ADRA1A: variants seen among roughly 807,000 people sequenced by gnomAD.
The protein encoded by ADRA1A is alpha-1A adrenergic receptor.
ADRA1A carries 31 observed loss-of-function variants against 29.6 expected under a neutral mutation model. The observed-to-expected ratio is 1.05, with a 90% CI of 0.79 to 1.41. The LOEUF is 1.41. Ranked by LOEUF, ADRA1A falls within the 40% of genes most tolerant of loss-of-function variation. ADRA1A has a pLI of 0.00. For synonymous variants in ADRA1A, 311 were observed against 254.3 expected (o/e 1.22, Z -2.12); for missense variants, 619 against 601.1 (o/e 1.03, Z -0.31).
At position 26,821,509 on chromosome 8, in the gene ADRA1A, C is replaced by A. The variant is rs908367675; in HGVS notation, c.883+42578G>T. ...AAGCCATTCATGAGGAAGCCAACTC[C>A]CTGATCCAATCACCTCCCACCAGGC... On this transcript the variant is annotated intron_variant, in intron 2 of 2. Coordinates refer to ENST00000380573, the MANE Select transcript of ADRA1A (RefSeq NM_000680.4). This position sits in a 1 kb window ranked among gnomAD's most constrained non-coding sequence, Gnocchi z 5.6. 6.6e-6 allele frequency among the ~76,000 whole-genome samples: 1 copy of A among 152,132 alleles called. No homozygotes were observed. Among genetic ancestry groups the A allele is most frequent in the African/African-American group, 2.4e-5 (1 of 41,438 alleles).
Position 26,864,613 on chromosome 8 carries a change from G to T in ADRA1A, c.357C>A (p.Ile119=), listed in dbSNP as rs760168597. The change falls in exon 2 of 3, where the codon ATC becomes ATA. Residue 119 remains isoleucine (I), a synonymous_variant. Coordinates refer to ENST00000380573, the MANE Select transcript of ADRA1A (RefSeq NM_000680.4). This position sits in a 1 kb window ranked among gnomAD's most constrained non-coding sequence, Gnocchi z 8.1. ...CGCCGATGTAGCGGTCGATGGAGAT[G>T]ATGCAGAGGCCCATGATGGACGCGG... ...CCTASIMGLC[I]ISIDRYIGVS... is the part of the protein sequence containing the mutation. 2.2e-5 allele frequency: 35 copies of T among 1,614,178 alleles called. No individual in the cohort carries two copies. The highest frequency in any genetic ancestry group is 2.9e-5 in the Non-Finnish European group (34 of 1,180,042).
At chr8:26,779,248 C>A in intron 2 of ADRA1A, 1 of 699,718 alleles carries the variant, frequency 1.4e-6, no homozygotes. Context: ...GTATCTAGTT[C>A]CTTCTCCCTT....
chr8:26,766,191 G>A (rs780955012), downstream of ADRA1A: 2 of 1,251,282 alleles, frequency 1.6e-6, no homozygotes, highest in East Asian at 2.3e-5. Flanking sequence ...GTGAGTGAGA[G>A]TGAGTTATGT....
chr8:26,799,901 C>T (rs1808445132), intron 2 of ADRA1A, among the ~76,000 whole-genome samples: 1 of 152,068 alleles, frequency 6.6e-6, no homozygotes, highest in Admixed American at 6.6e-5. Context: ...TCTAGAATTG[C>T]CAATTCAATG....
chr8:26,757,152 A>G, intron 2 of ADRA1A: 1 of 702,038 alleles, frequency 1.4e-6, no homozygotes. Flanking sequence ...GTTTATATAA[A>G]GCAGAGTTGG....
chr8:26,839,325 A>AT (rs1279632342), intron 2 of ADRA1A, among the ~76,000 whole-genome samples: 1 of 152,000 alleles, frequency 6.6e-6, no homozygotes, highest in Non-Finnish European at 1.5e-5. Context: ...CGCCCAGCTC[A>AT]TTTTTTGTGT....
intron 2 of ADRA1A, among the ~76,000 whole-genome samples, chr8:26,840,061 T>C (rs61761852): frequency 0.19 from 28,823 of 152,250 alleles, 2,892 homozygotes; most frequent in East Asian, 0.35. Flanking sequence ...AAGTTTGCAC[T>C]TGGCTGGGGT....
At position 26,855,217 on chromosome 8, in the gene ADRA1A, A is replaced by ATGCATGTG. The variant is rs1554513293; in HGVS notation, c.883+8869_883+8870insCACATGCA. 4.7e-3 allele frequency among the ~76,000 whole-genome samples: 621 copies of ATGCATGTG among 133,332 alleles called. 4 individuals carry two copies. The highest frequency in any genetic ancestry group is 0.021 in the African/African-American group (592 of 28,718). The allele number at this position is 133,332 out of a possible 152,430, so 87.5% of individuals were successfully genotyped here. A position where few individuals can be genotyped will look rare whatever the true frequency, so the allele number is the denominator to read the frequency against. On this transcript the variant is annotated intron_variant, in intron 2 of 2. Coordinates refer to ENST00000380573, the MANE Select transcript of ADRA1A (RefSeq NM_000680.4). Reference sequence around the variant, plus strand: ...TTTAACTAAAAGTGTGTGTGCATGCATGTGTGTGTGTGTGTGCATGTGAGT... The same window carrying ATGCATGTG: ...TTTAACTAAAAGTGTGTGTGCATGCATGCATGTGTGTGTGTGTGTGTGTGCATGTGAGT...
intron 2 of ADRA1A, among the ~76,000 whole-genome samples, chr8:26,820,283 AAT>A (rs1398863887): frequency 6.6e-6 from 1 of 152,208 alleles, no homozygotes; most frequent in Non-Finnish European, 1.5e-5. Flanking sequence ...ACAGCAGCAT[AAT>A]ATATGTTTTT....
intron 2 of ADRA1A, among the ~76,000 whole-genome samples, chr8:26,836,864 T>C (rs888937181): frequency 6.6e-6 from 1 of 152,170 alleles, no homozygotes; most frequent in Non-Finnish European, 1.5e-5. Flanking sequence ...GAGTGGCAAG[T>C]GAAGGGGAGT....
At chr8:26,781,663 T>C (rs1030440455) in intron 2 of ADRA1A, among the ~76,000 whole-genome samples, 5 of 152,220 alleles carry the variant, frequency 3.3e-5, no homozygotes, top group African/African-American at 1.2e-4. Context: ...CCAGTACTTA[T>C]AAAAACATTT....
In ADRA1A at chr8:26,857,967, C is replaced by T. The variant is rs568371417; in HGVS notation, c.883+6120G>A. Among the ~76,000 whole-genome samples the T allele has an allele frequency of 6.6e-5, 10 of 152,330 alleles. 1 individual carries two copies. The South Asian group carries it at 2.1e-3, about 32-fold the overall frequency. ...GTCTTTATCTCCAGTGATTCTATAG[C>T]TTCCTGGCAAACAGTATATGTTCAA... On this transcript the variant is annotated intron_variant, in intron 2 of 2. Coordinates refer to ENST00000380573, the MANE Select transcript of ADRA1A (RefSeq NM_000680.4).
chr8:26,812,790 G>C (rs1465249404), intron 2 of ADRA1A, among the ~76,000 whole-genome samples: 1 of 151,510 alleles, frequency 6.6e-6, no homozygotes, highest in Non-Finnish European at 1.5e-5. Context: ...TCAGCCTCCC[G>C]AGTAGCTGGG....
At chr8:26,827,791 T>C (rs931153048) in intron 2 of ADRA1A, among the ~76,000 whole-genome samples, 4 of 152,188 alleles carry the variant, frequency 2.6e-5, no homozygotes, top group African/African-American at 7.2e-5. Flanking sequence ...TACTATTACA[T>C]TGGTGATTAG....
intron 2 of ADRA1A, among the ~76,000 whole-genome samples, chr8:26,827,730 C>T (rs1219984002): frequency 1.3e-5 from 2 of 152,076 alleles, no homozygotes; most frequent in African/African-American, 4.8e-5. Context: ...TCCCAAACAT[C>T]AGCGCTCTGC....
Position 26,824,459 on chromosome 8 carries a change from G to A in ADRA1A, c.883+39628C>T, listed in dbSNP as rs115575863. On this transcript the variant is annotated intron_variant, in intron 2 of 2. Coordinates refer to ENST00000380573, the MANE Select transcript of ADRA1A (RefSeq NM_000680.4). ...GAGGCCATGATACCAACATTGTAAGGTTATTGTGAGGATCGAACAAGGTAA... is the reference window on the plus strand; with the variant it reads ...GAGGCCATGATACCAACATTGTAAGATTATTGTGAGGATCGAACAAGGTAA... Among the ~76,000 whole-genome samples, 363 of 152,236 alleles carry A rather than the reference G, an allele frequency of 2.4e-3. 3 individuals are homozygous for A. The highest frequency in any genetic ancestry group is 8.4e-3 in the African/African-American group (348 of 41,530).
chr8:26,802,039 A>G (rs1379020757), intron 2 of ADRA1A, among the ~76,000 whole-genome samples: 3 of 152,244 alleles, frequency 2.0e-5, no homozygotes, highest in African/African-American at 7.2e-5. Context: ...CCAGATATCC[A>G]TATGCAGAAG....
intron 2 of ADRA1A, among the ~76,000 whole-genome samples, chr8:26,840,680 C>G (rs539487697): frequency 1.3e-5 from 2 of 150,974 alleles, no homozygotes; most frequent in East Asian, 2.0e-4. Flanking sequence ...ATAGCTAAAA[C>G]AGGAAGTCTT....
intron 2 of ADRA1A, among the ~76,000 whole-genome samples, chr8:26,797,677 A>G (rs1808276328): frequency 2.0e-5 from 3 of 152,146 alleles, no homozygotes; most frequent in African/African-American, 7.2e-5. Flanking sequence ...ATATCAACAG[A>G]GTCTACATAC....
Sources: gnomAD v4.1 joint callset for allele counts (sites outside exome capture counted in the v4.1 genomes callset) on GRCh38, gnomAD v4.1.1 for gene constraint, Gnocchi (gnomAD v3.1) non-coding constraint, MANE v1.5 for transcripts, NCBI Gene and HGNC (gene_info 2026-07-23, HGNC 2026-07-21) for gene names.